RASA1: variants seen among roughly 807,000 people sequenced by gnomAD.
The protein encoded by RASA1 is RAS p21 protein activator 1.
RASA1 carries 25 observed loss-of-function variants against 132.2 expected under a neutral mutation model. The ratio of observed to expected loss-of-function variants is 0.19; its 90% CI spans 0.14 to 0.26. The LOEUF (loss-of-function observed/expected upper bound fraction) is 0.26, where lower values mean the gene tolerates loss of function less well. Ranked by LOEUF, RASA1 falls within the 10% of genes least tolerant of loss-of-function variation. RASA1 has a pLI of 1.00. For synonymous variants in RASA1, 477 were observed against 449.9 expected, an observed-to-expected ratio of 1.06 and a Z score of -0.76; for missense variants, 964 against 1,299.2, an observed-to-expected ratio of 0.74 and a Z score of 3.97.
chr5:87,285,356 C>T (rs951686580), intron 1 of RASA1, among the ~76,000 whole-genome samples: 9 of 151,966 alleles, frequency 5.9e-5, no homozygotes, highest in Admixed American at 5.9e-4. Context: ...CGTGAGCCAC[C>T]GCGCCTGGCA....
intron 1 of RASA1, among the ~76,000 whole-genome samples, chr5:87,316,998 T>C (rs900387274): frequency 2.0e-5 from 3 of 152,080 alleles, no homozygotes; most frequent in African/African-American, 4.8e-5. Flanking sequence ...TTCTCATGCC[T>C]CAGACTCCCG....
intron 24 of RASA1, 94 bp downstream of exon 24, chr5:87,389,621 T>C: frequency 6.6e-7 from 1 of 1,511,210 alleles, no homozygotes; most frequent in East Asian, 2.3e-5. Context: ...ATTTTTATCT[T>C]GTTACATTAA....
At chr5:87,383,859 CTTTTT>C in intron 21 of RASA1, 79 bp downstream of exon 21, 2 of 897,548 alleles carry the variant, frequency 2.2e-6, no homozygotes, top group Non-Finnish European at 3.3e-6. Context: ...ACTCTTAAAT[CTTTTT>C]TTTTTTTTTG....
At chr5:87,358,968 CTTAA>C (rs1561307964) in intron 9 of RASA1, among the ~76,000 whole-genome samples, 1 of 152,096 alleles carries the variant, frequency 6.6e-6, no homozygotes, top group African/African-American at 2.4e-5. Context: ...ACCTAGACAC[CTTAA>C]TTAACACTGC....
intron 1 of RASA1, among the ~76,000 whole-genome samples, chr5:87,283,627 A>C (rs1754418231): frequency 6.6e-6 from 1 of 152,038 alleles, no homozygotes; most frequent in African/African-American, 2.4e-5. Flanking sequence ...TATCCCCCTA[A>C]ATATAATTAT....
At chr5:87,365,108 T>C (rs1760407262) in intron 11 of RASA1, among the ~76,000 whole-genome samples, 1 of 152,174 alleles carries the variant, frequency 6.6e-6, no homozygotes, top group African/African-American at 2.4e-5. Flanking sequence ...AGGTGGCTCT[T>C]GATTCTTGGA....
At chr5:87,282,168 T>C (rs1364755306) in intron 1 of RASA1, among the ~76,000 whole-genome samples, 10 of 152,210 alleles carry the variant, frequency 6.6e-5, no homozygotes, top group Non-Finnish European at 1.2e-4. Context: ...ACATTTCTGC[T>C]TTTCTTATTG....
chr5:87,316,846 T>G (rs1242856081), intron 1 of RASA1, among the ~76,000 whole-genome samples: 1 of 152,160 alleles, frequency 6.6e-6, no homozygotes, highest in East Asian at 1.9e-4. Flanking sequence ...AATCTGAGTT[T>G]ATGGGAAAAG....
At chr5:87,383,928 C>CCTTGTG (rs1761899909) in intron 21 of RASA1, 148 bp downstream of exon 21, 1 of 725,526 alleles carries the variant, frequency 1.4e-6, no homozygotes, top group South Asian at 1.9e-5. Context: ...ACCCTTCCTT[C>CCTTGTG]CTTGTGCTTG....
intron 1 of RASA1, among the ~76,000 whole-genome samples, chr5:87,299,092 AT>A (rs1755243061): frequency 6.6e-6 from 1 of 152,138 alleles, no homozygotes. Context: ...CCAAGGTCTG[AT>A]TTTTCACCCT....
chr5:87,294,491 A>AT (rs1160786751), intron 1 of RASA1: 1 of 152,118 alleles, frequency 6.6e-6, no homozygotes, highest in Non-Finnish European at 1.5e-5. Context: ...CTGATTACTG[A>AT]TTTTTTATCT....
intron 1 of RASA1, among the ~76,000 whole-genome samples, chr5:87,270,362 C>A (rs1753772064): frequency 6.6e-6 from 1 of 150,490 alleles, no homozygotes; most frequent in African/African-American, 2.4e-5. Flanking sequence ...TTCCCCCCAC[C>A]CCAGAGATGG....
At chr5:87,327,996 C>T (rs1190539205) in intron 1 of RASA1, among the ~76,000 whole-genome samples, 1 of 151,710 alleles carries the variant, frequency 6.6e-6, no homozygotes, top group African/African-American at 2.4e-5. Context: ...AGAGAACTTC[C>T]TATGTGGACG....
At chr5:87,380,619 T>G in intron 20 of RASA1, 24 bp downstream of exon 20, 1 of 1,537,556 alleles carries the variant, frequency 6.5e-7, no homozygotes, top group Non-Finnish European at 9.0e-7. Context: ...ATTGATTTGT[T>G]AAATCACATA....
chr5:87,301,548 G>T (rs1356185604), intron 1 of RASA1, among the ~76,000 whole-genome samples: 1 of 152,072 alleles, frequency 6.6e-6, no homozygotes, highest in African/African-American at 2.4e-5. Context: ...TTGTATCCTA[G>T]ATTATTTCTG....
chr5:87,385,238 T>C, intron 21 of RASA1, 63 bp from the exon 22 acceptor site: 1 of 1,040,428 alleles, frequency 9.6e-7, no homozygotes, highest in Non-Finnish European at 1.5e-6. Context: ...GCTAAATTTA[T>C]AATGGTTTAG....
chr5:87,327,968 CAAA>C (rs777320325), intron 1 of RASA1, among the ~76,000 whole-genome samples: 4 of 111,986 alleles, frequency 3.6e-5, no homozygotes, highest in African/African-American at 3.3e-5. Context: ...CTCCGTTTCC[CAAA>C]AAAAAAAAAA....
At chr5:87,299,805 G>A (rs1161912996) in intron 1 of RASA1, 1 of 152,094 alleles carries the variant, frequency 6.6e-6, no homozygotes, top group Non-Finnish European at 1.5e-5. Flanking sequence ...TACTGTATAT[G>A]GTTCTTACAA....
Position 87,268,441 on chromosome 5 carries a change from C to A in RASA1, c.-11C>A. The A allele has an allele frequency of 6.5e-7, 1 of 1,539,484 alleles. No homozygotes were observed. On this transcript the variant is annotated 5_prime_UTR_variant, in exon 1 of 25. Transcript: ENST00000274376. The stretch of plus-strand genomic sequence containing the variant: ...GCGGGCAGGGTAGGGCAGAGTAGAG[C>A]GGGCTTCAACATGATGGCGGCCGAG...
Sources: allele counts gnomAD v4.1 joint callset (sites outside exome capture counted in the v4.1 genomes callset), GRCh38; gene constraint gnomAD v4.1.1; transcripts MANE v1.5; gene names NCBI Gene and HGNC (gene_info 2026-07-23, HGNC 2026-07-21).